Variants in CDK11A observed in about 807,000 individuals in gnomAD.
CDK11A encodes the protein cyclin-dependent kinase 11A.
Under a neutral mutation model 83.6 loss-of-function variants are expected in CDK11A, and 55 were observed. The ratio of observed to expected loss-of-function variants is 0.66; its 90% CI spans 0.53 to 0.82. The LOEUF is 0.82. Ranked by LOEUF, CDK11A falls within the 40% of genes least tolerant of loss-of-function variation. CDK11A has a pLI of 0.00. For synonymous variants in CDK11A, 247 were observed against 302.7 expected, an observed-to-expected ratio of 0.82 and a Z score of 1.91; for missense variants, 564 against 810.1, an observed-to-expected ratio of 0.70 and a Z score of 3.69.
At chr1:1,703,729 G>C in intron 17 of CDK11A, 95 bp downstream of exon 17, 1 of 1,551,994 alleles carries the variant, frequency 6.4e-7, no homozygotes, top group Non-Finnish European at 8.7e-7. Flanking sequence ...CAGTGGCCCT[G>C]GTCCCCATCT....
chr1:1,714,988 T>G (rs61776851), intron 5 of CDK11A, among the ~76,000 whole-genome samples: 119,955 of 149,380 alleles, frequency 0.8, 50,716 homozygotes, highest in Non-Finnish European at 0.93. Flanking sequence ...CCCACTGCTC[T>G]AAACGGAGTA....
intron 5 of CDK11A, among the ~76,000 whole-genome samples, chr1:1,715,553 G>T (rs35642458): frequency 6.9e-6 from 1 of 144,742 alleles, no homozygotes; most frequent in Non-Finnish European, 1.5e-5. Flanking sequence ...CAGCGGTCTC[G>T]GACCTTGACC....
intron 15 of CDK11A, 35 bp from the exon 16 acceptor site, chr1:1,704,181 G>A (rs752007184): frequency 3.1e-6 from 5 of 1,607,690 alleles, no homozygotes; most frequent in Non-Finnish European, 3.4e-6. Flanking sequence ...GGGTGGGCCT[G>A]GGCGGGTCAC....
chr1:1,718,385 C>T (rs112950840), intron 4 of CDK11A, among the ~76,000 whole-genome samples: 5 of 144,852 alleles, frequency 3.5e-5, no homozygotes, highest in Admixed American at 7.0e-5. Context: ...CTCTGGTTTT[C>T]GGTCTGTGAC....
rs750349983 is a variant in CDK11A, at chr1:1,704,330, G to C, written c.1579C>G (p.Leu527Val). ...ACCCCCCGCAGCAGCTGGATCATCA[G>C]GGTCTTCACCTCCCCTGGGAGGGAG... is the stretch of plus-strand genomic sequence containing the variant. ...QPFLPGEVKT[L>V]MIQLLRGVKH... Residue 527 changes from leucine to valine, a missense_variant, in exon 15 of 20, where the codon CTG becomes GTG. Leu to Val is a conservative substitution (Grantham distance 32). Coordinates refer to ENST00000404249, the MANE Select transcript of CDK11A (RefSeq NM_024011.4). The C allele has an allele frequency of 1.6e-5, 26 of 1,607,430 alleles. 1 individual carries two copies. The South Asian group carries it at 2.9e-4, about 18-fold the overall frequency.
chr1:1,716,203 C>G, intron 5 of CDK11A, 143 bp downstream of exon 5: 1 of 791,746 alleles, frequency 1.3e-6, no homozygotes. Context: ...TGGTCAGCCT[C>G]GTCCAGCGTT....
At chr1:1,703,674 G>A in intron 17 of CDK11A, 50 bp from the exon 18 acceptor site, 2 of 1,560,728 alleles carry the variant, frequency 1.3e-6, no homozygotes, top group Non-Finnish European at 1.7e-6. Flanking sequence ...CCACAGTGTT[G>A]GCACCTGTGT....
Position 1,717,866 on chromosome 1 carries a change from A to C in CDK11A, c.356-1388T>G, listed in dbSNP as rs1449235460. Among the ~76,000 whole-genome samples, 3 of 149,866 alleles carry C rather than the reference A, an allele frequency of 2.0e-5. 1 individual carries two copies. The highest frequency in any genetic ancestry group is 3.0e-5 in the Non-Finnish European group (2 of 67,536). ...AGCCCCTCTGAACGGTCTGTGACAC[A>C]CGCATGCTTTCAGCTAGAGTTTGCT... On this transcript the variant is annotated intron_variant, in intron 4 of 19. Coordinates refer to ENST00000404249, the MANE Select transcript of CDK11A (RefSeq NM_024011.4).
intron 5 of CDK11A, among the ~76,000 whole-genome samples, chr1:1,715,954 T>G (rs1325490836): frequency 6.6e-6 from 1 of 150,884 alleles, no homozygotes; most frequent in Admixed American, 6.6e-5. Flanking sequence ...TTTGAGACAG[T>G]CTCACTCTGT....
rs1378740784 is a variant in CDK11A at position 1,716,881 on chromosome 1, C to T, written c.356-403G>A. Among the ~76,000 whole-genome samples the T allele has an allele frequency of 2.5e-4, 25 of 99,094 alleles. 2 individuals are homozygous for T. Among genetic ancestry groups the T allele is most frequent in the African/African-American group, 1.1e-3 (24 of 21,124 alleles). 65.0% of individuals were successfully genotyped at this position (99,094 alleles called of 152,430 possible). A position where few individuals can be genotyped will look rare whatever the true frequency, so the allele number is the denominator to read the frequency against. On this transcript the variant is annotated intron_variant, in intron 4 of 19. Transcript: ENST00000404249. The stretch of plus-strand genomic sequence containing the variant: ...CATGAAAATGAAATTAAATCAAGAA[C>T]ATTAAATATTTAAATAATGATGTTA...
At chr1:1,721,449 G>C in intron 3 of CDK11A, 147 bp downstream of exon 3, 1 of 877,140 alleles carries the variant, frequency 1.1e-6, no homozygotes, top group Non-Finnish European at 1.7e-6. Flanking sequence ...TAGTACAACA[G>C]CTACAACACG....
chr1:1,704,156 C>A lies in CDK11A; in HGVS notation c.1687-10G>T, dbSNP rs773213620. The A allele has an allele frequency of 7.5e-6, 12 of 1,606,954 alleles. 1 individual carries two copies. In the South Asian group the frequency reaches 9.9e-5, roughly 13 times the overall value. ...GCCCAAAATCACCCACCTGCAACGACAGATGGGCGGCTGTGGGTGGGCCTG... is the reference window on the plus strand; with the variant it reads ...GCCCAAAATCACCCACCTGCAACGAAAGATGGGCGGCTGTGGGTGGGCCTG... On this transcript the variant is annotated splice_polypyrimidine_tract_variant and intron_variant, in intron 15 of 19. Coordinates refer to ENST00000404249, the MANE Select transcript of CDK11A (RefSeq NM_024011.4).
In CDK11A at chr1:1,704,213, G is replaced by T. The variant is rs776323284; in HGVS notation, c.1686+10C>A. 6 of 1,608,368 alleles carry T rather than the reference G, an allele frequency of 3.7e-6. No individual in the cohort carries two copies. Among genetic ancestry groups the T allele is most frequent in the Non-Finnish European group, 4.2e-6 (5 of 1,176,732 alleles). On this transcript the variant is annotated intron_variant, in intron 15 of 19. Coordinates refer to ENST00000404249, the MANE Select transcript of CDK11A (RefSeq NM_024011.4). ...TCACCCTGGGATGGGCCACTCGGAG[G>T]GGGGCTCACCTTGAGGATGCCGGCG...
chr1:1,719,943 G>T (rs1183209862), intron 3 of CDK11A, among the ~76,000 whole-genome samples: 1 of 150,330 alleles, frequency 6.7e-6, no homozygotes. Flanking sequence ...GATGAAAAAT[G>T]TAAGAAATCA....
At chr1:1,719,288 C>T (rs746952748) in intron 4 of CDK11A, 40 bp downstream of exon 4, 13 of 1,464,948 alleles carry the variant, frequency 8.9e-6, no homozygotes, top group Non-Finnish European at 4.5e-6. Flanking sequence ...AAAGAAACCA[C>T]ACTTGAACAT....
At chr1:1,716,950 C>T (rs1329761771) in intron 4 of CDK11A, among the ~76,000 whole-genome samples, 1 of 127,546 alleles carries the variant, frequency 7.8e-6, no homozygotes, top group African/African-American at 3.1e-5. Context: ...GAGACAGGGT[C>T]TCACTATATT....
In CDK11A at chr1:1,720,360, G is replaced by A. The variant is rs1425027580; in HGVS notation, c.228-905C>T. ...GATCTGCCCGCCTCAGCCTCCCAAA[G>A]TGCTGGGATTACAGGTGTGAGCCGC... is the stretch of plus-strand genomic sequence containing the variant. On this transcript the variant is annotated intron_variant, in intron 3 of 19. Transcript: ENST00000404249. Among the ~76,000 whole-genome samples, 2 of 149,736 alleles carry A rather than the reference G, an allele frequency of 1.3e-5. 1 individual carries two copies. Among genetic ancestry groups the A allele is most frequent in the Non-Finnish European group, 3.0e-5 (2 of 67,366 alleles).
rs1211349415 is a variant in CDK11A at position 1,702,616 on chromosome 1, C to T, written c.*291G>A. The T allele has an allele frequency of 2.2e-6, 1 of 455,222 alleles. No individual in the cohort carries two copies. 28.2% of individuals were successfully genotyped at this position (455,222 alleles called of 1,614,324 possible). On this transcript the variant is annotated 3_prime_UTR_variant, in exon 20 of 20. Coordinates refer to ENST00000404249, the MANE Select transcript of CDK11A (RefSeq NM_024011.4). ...GGCTCCCACCAGTTCCTTTCCAAAT[C>T]ACGGCCCAGCCAGCCCCGTGCGTGT...
intron 1 of CDK11A, 109 bp downstream of exon 1, chr1:1,724,149 C>T (rs571265430): frequency 6.7e-6 from 1 of 150,290 alleles, no homozygotes; most frequent in East Asian, 2.0e-4. Flanking sequence ...GAGGGTGTCG[C>T]TCGCCCCCGG....
Sources: allele counts gnomAD v4.1 joint callset (sites outside exome capture counted in the v4.1 genomes callset), GRCh38; gene constraint gnomAD v4.1.1; transcripts MANE v1.5; gene names NCBI Gene and HGNC (gene_info 2026-07-23, HGNC 2026-07-21).